NLN: variants seen among roughly 807,000 people sequenced by gnomAD.
NLN encodes the protein neurolysin, mitochondrial.
A neutral mutation model predicts 79.9 loss-of-function variants in NLN; 64 were observed. The ratio of observed to expected loss-of-function variants is 0.80; its 90% CI spans 0.65 to 0.99. The LOEUF (loss-of-function observed/expected upper bound fraction) is 0.99. NLN is among the 50% of genes least tolerant of loss of function. The pLI is 0.00. For missense variants in NLN, 835 were observed against 858.7 expected, an observed-to-expected ratio of 0.97 and a Z score of 0.34; for synonymous variants, 267 against 296.6, an observed-to-expected ratio of 0.90 and a Z score of 1.02.
At position 65,728,580 on chromosome 5, in the gene NLN, A is replaced by G. The variant is rs1234958464; in HGVS notation, c.41+6166A>G. Among the ~76,000 whole-genome samples, 4 of 152,212 alleles carry G rather than the reference A, an allele frequency of 2.6e-5. No homozygotes were observed. The East Asian group carries it at 7.7e-4, about 29-fold the overall frequency. ...AAATTATAACCTTACCAGGTGAGTAAGTAAATGCTGGTTTCCTATACTGTT... is the reference window on the plus strand; with the variant it reads ...AAATTATAACCTTACCAGGTGAGTAGGTAAATGCTGGTTTCCTATACTGTT... On this transcript the variant is annotated intron_variant, in intron 1 of 12. Coordinates refer to ENST00000380985, the MANE Select transcript of NLN (RefSeq NM_020726.5).
At chr5:65,748,786 A>G (rs1759039695) in intron 1 of NLN, among the ~76,000 whole-genome samples, 1 of 152,130 alleles carries the variant, frequency 6.6e-6, no homozygotes, top group Admixed American at 6.5e-5. Context: ...AACTGAAGTT[A>G]AGGGAGTGGT....
chr5:65,778,057 T>C (rs534396061), intron 4 of NLN, among the ~76,000 whole-genome samples: 1 of 152,310 alleles, frequency 6.6e-6, no homozygotes, highest in African/African-American at 2.4e-5. Flanking sequence ...TCTTAGTAGT[T>C]GATTTGTCTT....
rs1216659672 is a variant in NLN at position 65,722,549 on chromosome 5, G to T, written c.41+135G>T. 8 of 810,110 alleles carry T rather than the reference G, an allele frequency of 9.9e-6. No homozygotes were observed. The Admixed American group carries it at 2.2e-4, about 22-fold the overall frequency. The allele number at this position is 810,110 out of a possible 1,614,324, so 50.2% of individuals were successfully genotyped here. A position where few individuals can be genotyped will look rare whatever the true frequency, so the allele number is the denominator to read the frequency against. ...CCGGGACGCACCCTCCCCGCGGCTTGCAAGGTGGACCCCTGGGGGACACCT... is the reference window on the plus strand; with the variant it reads ...CCGGGACGCACCCTCCCCGCGGCTTTCAAGGTGGACCCCTGGGGGACACCT... On this transcript the variant is annotated intron_variant, in intron 1 of 12. Transcript: ENST00000380985.
Position 65,826,911 on chromosome 5 carries a change from T to TAA in NLN, c.*4005_*4006dup, listed in dbSNP as rs918031005. 2 of 141,924 alleles carry TAA rather than the reference T, an allele frequency of 1.4e-5. No individual in the cohort carries two copies. The highest frequency in any genetic ancestry group is 2.6e-5 in the African/African-American group (1 of 38,372). 8.8% of individuals were successfully genotyped at this position (141,924 alleles called of 1,614,324 possible). On this transcript the variant is annotated 3_prime_UTR_variant, in exon 13 of 13. Transcript: ENST00000380985. ...ACAGAGACCCTGTCTTAAAATAAAATAAAAAAAAAAGGAAAAGGAAAGACA... is the reference window on the plus strand; with the variant it reads ...ACAGAGACCCTGTCTTAAAATAAAATAAAAAAAAAAAAGGAAAAGGAAAGACA...
chr5:65,799,938 TG>T (rs1368001771), intron 9 of NLN, among the ~76,000 whole-genome samples: 1 of 152,182 alleles, frequency 6.6e-6, no homozygotes, highest in East Asian at 1.9e-4. Context: ...TACCTTGCCT[TG>T]TTATATAAAC....
At chr5:65,759,679 C>T (rs944074668) in intron 2 of NLN, among the ~76,000 whole-genome samples, 7 of 151,732 alleles carry the variant, frequency 4.6e-5, no homozygotes, top group Admixed American at 6.6e-5. Flanking sequence ...TCTTTTAGGC[C>T]CTAAACTGTT....
chr5:65,732,414 T>C (rs1758630507), intron 1 of NLN, among the ~76,000 whole-genome samples: 1 of 140,414 alleles, frequency 7.1e-6, no homozygotes, highest in South Asian at 2.2e-4. Flanking sequence ...TTACACTTCA[T>C]ATAGAGGAGA....
intron 1 of NLN, among the ~76,000 whole-genome samples, chr5:65,744,440 A>G (rs2591928): frequency 0.24 from 35,891 of 151,012 alleles, 4,388 homozygotes; most frequent in African/African-American, 0.27. Flanking sequence ...CTATTTCTTG[A>G]GAAGTCCTTT....
At chr5:65,812,114 C>T in intron 11 of NLN, 141 bp from the exon 12 acceptor site, 1 of 699,574 alleles carries the variant, frequency 1.4e-6, no homozygotes, top group African/African-American at 1.8e-5. Context: ...GACACATCAG[C>T]CCAAGGAGTA....
chr5:65,774,681 T>G (rs891767887), intron 3 of NLN, among the ~76,000 whole-genome samples: 1 of 151,196 alleles, frequency 6.6e-6, no homozygotes, highest in African/African-American at 2.4e-5. Flanking sequence ...AAGTTAAAGA[T>G]TTCATTACAG....
chr5:65,727,535 A>C (rs1021889150), intron 1 of NLN, among the ~76,000 whole-genome samples: 1 of 151,998 alleles, frequency 6.6e-6, no homozygotes. Flanking sequence ...TAAAAAAAAA[A>C]CAAAAAGCAA....
intron 8 of NLN, among the ~76,000 whole-genome samples, chr5:65,789,422 T>G (rs1214842860): frequency 6.6e-6 from 1 of 152,244 alleles, no homozygotes; most frequent in Admixed American, 6.5e-5. Context: ...TAATCAGAGT[T>G]AGCTGCTACC....
At chr5:65,816,535 T>TAA (rs572354124) in intron 12 of NLN, among the ~76,000 whole-genome samples, 6 of 137,040 alleles carry the variant, frequency 4.4e-5, no homozygotes, top group East Asian at 2.1e-4. Flanking sequence ...ACGTAAAAGT[T>TAA]AAAAAAAAAA....
At chr5:65,812,447 C>T in intron 12 of NLN, 56 bp downstream of exon 12, 3 of 1,210,300 alleles carry the variant, frequency 2.5e-6, no homozygotes, top group Non-Finnish European at 3.6e-6. Flanking sequence ...TCCCCTTTAA[C>T]TCCTAGTGTA....
At chr5:65,737,079 T>C (rs1469632557) in intron 1 of NLN, among the ~76,000 whole-genome samples, 2 of 152,092 alleles carry the variant, frequency 1.3e-5, no homozygotes, top group Admixed American at 6.6e-5. Context: ...CACTCCAGCC[T>C]ATGCGACAAA....
intron 6 of NLN, among the ~76,000 whole-genome samples, chr5:65,784,445 T>C (rs1401242720): frequency 1.3e-5 from 2 of 152,186 alleles, no homozygotes; most frequent in Non-Finnish European, 2.9e-5. Flanking sequence ...TTATGAACAA[T>C]AGAAATTTTT....
At chr5:65,761,927 A>G (rs1336617392) in intron 2 of NLN, among the ~76,000 whole-genome samples, 2 of 152,174 alleles carry the variant, frequency 1.3e-5, no homozygotes, top group Non-Finnish European at 2.9e-5. Context: ...TGTTTATAAT[A>G]CCTTCACAAT....
chr5:65,798,124 C>T (rs1760208234), intron 9 of NLN, among the ~76,000 whole-genome samples: 1 of 152,176 alleles, frequency 6.6e-6, no homozygotes, highest in East Asian at 1.9e-4. Flanking sequence ...TATGCAGGCT[C>T]AGAAGAAGAT....
At chr5:65,801,237 T>G (rs527819408) in intron 9 of NLN, among the ~76,000 whole-genome samples, 32 of 152,364 alleles carry the variant, frequency 2.1e-4, no homozygotes, top group African/African-American at 7.2e-4. Flanking sequence ...AAGCAACTAT[T>G]ACCAACACCT....
Sources: allele counts gnomAD v4.1 joint callset (sites outside exome capture counted in the v4.1 genomes callset), GRCh38; gene constraint gnomAD v4.1.1; transcripts MANE v1.5; gene names NCBI Gene and HGNC (gene_info 2026-07-23, HGNC 2026-07-21).